The following LIN52 variants were observed in gnomAD, a reference collection of about 807,000 sequenced individuals.
LIN52 encodes lin-52 DREAM MuvB core complex component, also known as protein lin-52 homolog.
In LIN52, 4 loss-of-function variants were observed where a neutral mutation model predicts 18.5. The ratio of observed to expected loss-of-function variants is 0.22; its 90% CI spans 0.11 to 0.49. LIN52 has a LOEUF of 0.49. LIN52 is among the 20% of genes least tolerant of loss of function. The pLI is 0.97. For synonymous variants in LIN52, 34 were observed against 45.5 expected (o/e 0.75, Z 1.02); for missense variants, 102 against 139.5 (o/e 0.73, Z 1.35).
At chr14:74,088,310 T>C (rs1483830260) in intron 1 of LIN52, among the ~76,000 whole-genome samples, 1 of 152,184 alleles carries the variant, frequency 6.6e-6, no homozygotes, top group South Asian at 2.1e-4. Context: ...AGGCTAGTCT[T>C]GAACTCCTGA....
At chr14:74,176,841 T>C (rs1595187139) in intron 5 of LIN52, among the ~76,000 whole-genome samples, 1 of 152,190 alleles carries the variant, frequency 6.6e-6, no homozygotes, top group Admixed American at 6.6e-5. Flanking sequence ...CATTCCTTAT[T>C]CCTCCTCACT....
chr14:74,163,551 A>T (rs2139567355), intron 5 of LIN52, among the ~76,000 whole-genome samples: 1 of 152,334 alleles, frequency 6.6e-6, no homozygotes, highest in African/African-American at 2.4e-5. Flanking sequence ...AGTGAAAAAT[A>T]AATGTGGAGG....
chr14:74,124,943 T>A (rs1033289629), intron 5 of LIN52, among the ~76,000 whole-genome samples: 1 of 151,990 alleles, frequency 6.6e-6, no homozygotes, highest in African/African-American at 2.4e-5. Flanking sequence ...TTAAAAACTT[T>A]TGTGTGTCCA....
At chr14:74,165,969 G>A (rs1053397828) in intron 5 of LIN52, among the ~76,000 whole-genome samples, 2 of 150,530 alleles carry the variant, frequency 1.3e-5, no homozygotes, top group Non-Finnish European at 2.9e-5. Context: ...TCAGCTCACC[G>A]CAACTTCCAC....
chr14:74,181,107 C>CAAAAAAAAAAAAA (rs149099646), intron 5 of LIN52, among the ~76,000 whole-genome samples: 2 of 96,118 alleles, frequency 2.1e-5, no homozygotes, highest in East Asian at 4.4e-4. Context: ...GACTCTGTCT[C>CAAAAAAAAAAAAA]AAAAAAAAAA....
intron 5 of LIN52, among the ~76,000 whole-genome samples, chr14:74,122,489 T>C (rs911159281): frequency 1.3e-5 from 2 of 152,342 alleles, no homozygotes; most frequent in South Asian, 2.1e-4. Context: ...ATTTAAAATA[T>C]GTTAGGATAT....
chr14:74,113,686 T>G (rs2060944833), intron 5 of LIN52, among the ~76,000 whole-genome samples: 1 of 152,152 alleles, frequency 6.6e-6, no homozygotes, highest in African/African-American at 2.4e-5. Context: ...AAAAGTATCT[T>G]AATGCTGTCA....
chr14:74,152,560 C>G (rs373338579), intron 5 of LIN52, among the ~76,000 whole-genome samples: 1 of 151,986 alleles, frequency 6.6e-6, no homozygotes, highest in African/African-American at 2.4e-5. Flanking sequence ...AGCCCAAGAG[C>G]TGTGAATCAA....
At chr14:74,167,729 T>A (rs1267122089) in intron 5 of LIN52, among the ~76,000 whole-genome samples, 1 of 151,874 alleles carries the variant, frequency 6.6e-6, no homozygotes, top group Non-Finnish European at 1.5e-5. Context: ...TGGGGGAGGG[T>A]CTCACTATGT....
At chr14:74,172,006 G>A (rs1289545550) in intron 5 of LIN52, among the ~76,000 whole-genome samples, 1 of 151,996 alleles carries the variant, frequency 6.6e-6, no homozygotes, top group African/African-American at 2.4e-5. Flanking sequence ...CAAAGTGCTG[G>A]GATTACAGGC....
chr14:74,195,079 G>A (rs1042329274), intron 5 of LIN52, among the ~76,000 whole-genome samples: 4 of 152,200 alleles, frequency 2.6e-5, no homozygotes, highest in Admixed American at 6.5e-5. Context: ...CGGGGAGGCA[G>A]AGGTTGCAGT....
intron 5 of LIN52, among the ~76,000 whole-genome samples, chr14:74,103,228 A>T (rs2060871525): frequency 6.6e-6 from 1 of 151,808 alleles, no homozygotes; most frequent in South Asian, 2.1e-4. Context: ...ACAGGCATGC[A>T]CCATGATGTC....
At chr14:74,110,213 G>C (rs2060918325) in intron 5 of LIN52, among the ~76,000 whole-genome samples, 1 of 152,192 alleles carries the variant, frequency 6.6e-6, no homozygotes, top group South Asian at 2.1e-4. Flanking sequence ...AGTTTAATGG[G>C]ACTGTTATTT....
At chr14:74,189,741 A>G (rs749528314) in intron 5 of LIN52, among the ~76,000 whole-genome samples, 16 of 152,080 alleles carry the variant, frequency 1.1e-4, no homozygotes, top group Admixed American at 7.2e-4. Flanking sequence ...CACTTCCCAT[A>G]TTTTATGTTC....
intron 5 of LIN52, among the ~76,000 whole-genome samples, chr14:74,103,558 G>A (rs71429039): frequency 0.11 from 16,832 of 147,928 alleles, 1,228 homozygotes; most frequent in Admixed American, 0.19. Context: ...TCAGCCTCCT[G>A]AGTAGCTGGG....
At chr14:74,190,395 T>TTTG (rs1229980074) in intron 5 of LIN52, among the ~76,000 whole-genome samples, 1 of 144,628 alleles carries the variant, frequency 6.9e-6, no homozygotes, top group Non-Finnish European at 1.5e-5. Flanking sequence ...ATAACTTTTT[T>TTTG]TTTTTTTTTT....
At chr14:74,109,072 T>C (rs914794069) in intron 5 of LIN52, among the ~76,000 whole-genome samples, 1 of 152,220 alleles carries the variant, frequency 6.6e-6, no homozygotes, top group African/African-American at 2.4e-5. Context: ...AATTTTTATA[T>C]TTGGTGTGAG....
At chr14:74,114,297 G>A (rs574679452) in intron 5 of LIN52, 1 of 984,634 alleles carries the variant, frequency 1.0e-6, no homozygotes, top group Non-Finnish European at 1.2e-6. Context: ...GAAGATTTTT[G>A]AATAGGAAAG....
chr14:74,151,869 T>C (rs1371551090), intron 5 of LIN52, among the ~76,000 whole-genome samples: 2 of 152,186 alleles, frequency 1.3e-5, no homozygotes, highest in African/African-American at 2.4e-5. Flanking sequence ...ATTTTTTTTT[T>C]CTCATCTATG....
Sources: allele counts gnomAD v4.1 joint callset (sites outside exome capture counted in the v4.1 genomes callset), GRCh38; gene constraint gnomAD v4.1.1; transcripts MANE v1.5; gene names NCBI Gene and HGNC (gene_info 2026-07-23, HGNC 2026-07-21).